The following ZRANB3 variants were observed in gnomAD, a reference collection of about 807,000 sequenced individuals.
The protein encoded by ZRANB3 is zinc finger RANBP2-type containing 3.
ZRANB3 carries 125 observed loss-of-function variants against 133.8 expected under a neutral mutation model. The observed-to-expected ratio is 0.93, with a 90% CI of 0.81 to 1.08. ZRANB3 has a LOEUF of 1.08. ZRANB3 is among the 50% of genes least tolerant of loss of function. ZRANB3 has a pLI of 0.00. For synonymous variants in ZRANB3, 387 were observed against 432.7 expected (o/e 0.89, Z 1.31); for missense variants, 1,229 against 1,275.5 (o/e 0.96, Z 0.56).
chr2:135,361,317 G>A lies in ZRANB3; in HGVS notation c.181-7689C>T, dbSNP rs543612461. Among the ~76,000 whole-genome samples the A allele has an allele frequency of 4.8e-4, 73 of 152,186 alleles. 1 individual carries two copies. Among genetic ancestry groups the A allele is most frequent in the Middle Eastern group, 3.4e-3 (1 of 292 alleles). The stretch of plus-strand genomic sequence containing the variant: ...GAATAAACAATAGTACAAATGTCCA[G>A]GTAGCTACATAAGAATTAAATAGAA... On this transcript the variant is annotated intron_variant, in intron 3 of 20. Coordinates refer to ENST00000264159, the MANE Select transcript of ZRANB3 (RefSeq NM_032143.4).
intron 2 of ZRANB3, among the ~76,000 whole-genome samples, chr2:135,475,242 A>G (rs1691453995): frequency 6.6e-6 from 1 of 152,164 alleles, no homozygotes; most frequent in African/African-American, 2.4e-5. Flanking sequence ...CCTTTCTTAC[A>G]CAGTCTGTAC....
intron 10 of ZRANB3, among the ~76,000 whole-genome samples, chr2:135,271,121 G>A (rs1160311152): frequency 6.6e-6 from 1 of 152,234 alleles, no homozygotes; most frequent in Non-Finnish European, 1.5e-5. Context: ...CAGATAAGAT[G>A]GAGCTCTAGC....
rs535012953 is a variant in ZRANB3 at position 135,440,627 on chromosome 2, A to G, written c.162-49807T>C. ...GCACCTCACTCCTACAACTGCAAGG[A>G]AATAAATTCTGTGAACAAAAAGAAG... On this transcript the variant is annotated intron_variant, in intron 2 of 20. Coordinates refer to ENST00000264159, the MANE Select transcript of ZRANB3 (RefSeq NM_032143.4). 2.2e-4 allele frequency among the ~76,000 whole-genome samples: 33 copies of G among 152,294 alleles called. No homozygotes were observed. The South Asian group carries it at 6.8e-3, about 32-fold the overall frequency.
At chr2:135,234,863 A>G (rs1695214423) in intron 12 of ZRANB3, among the ~76,000 whole-genome samples, 1 of 152,202 alleles carries the variant, frequency 6.6e-6, no homozygotes, top group South Asian at 2.1e-4. Flanking sequence ...ACACCCTAAC[A>G]TCACAATTAA....
chr2:135,325,868 T>C (rs1179367506), intron 6 of ZRANB3, among the ~76,000 whole-genome samples: 1 of 152,176 alleles, frequency 6.6e-6, no homozygotes, highest in African/African-American at 2.4e-5. Context: ...TGTCTCCAAA[T>C]ATTAGAAGTT....
At chr2:135,426,809 G>A (rs1169606088) in intron 2 of ZRANB3, among the ~76,000 whole-genome samples, 24 of 109,574 alleles carry the variant, frequency 2.2e-4, no homozygotes, top group African/African-American at 7.2e-4. Flanking sequence ...TCCAGCCTGC[G>A]TGACAGAGAG....
chr2:135,383,658 A>C (rs1217064966), intron 3 of ZRANB3, among the ~76,000 whole-genome samples: 1 of 152,224 alleles, frequency 6.6e-6, no homozygotes, highest in African/African-American at 2.4e-5. Flanking sequence ...CTCAGACCAC[A>C]GTGCAATCAA....
chr2:135,340,104 CTTT>C (rs769541283), intron 6 of ZRANB3, among the ~76,000 whole-genome samples: 6 of 123,754 alleles, frequency 4.8e-5, no homozygotes, highest in Admixed American at 1.7e-4. Context: ...TGTCCCTTTT[CTTT>C]TTTTTTTTTT....
intron 12 of ZRANB3, among the ~76,000 whole-genome samples, chr2:135,238,196 G>A (rs977682069): frequency 1.3e-5 from 2 of 152,136 alleles, no homozygotes; most frequent in African/African-American, 4.8e-5. Context: ...TGGGAACTAT[G>A]TTAGAAACAC....
At chr2:135,404,866 T>C (rs1558975273) in intron 2 of ZRANB3, among the ~76,000 whole-genome samples, 2 of 152,112 alleles carry the variant, frequency 1.3e-5, no homozygotes. Context: ...TGCAAAATCA[T>C]GCCAAAATGT....
chr2:135,354,064 A>G (rs1282152192), intron 3 of ZRANB3, among the ~76,000 whole-genome samples: 2 of 152,206 alleles, frequency 1.3e-5, no homozygotes, highest in Non-Finnish European at 2.9e-5. Flanking sequence ...ACAGTTAATA[A>G]AAAGTTTGAG....
At chr2:135,222,330 A>T (rs1282734029) in intron 15 of ZRANB3, among the ~76,000 whole-genome samples, 2 of 151,260 alleles carry the variant, frequency 1.3e-5, no homozygotes, top group Non-Finnish European at 2.9e-5. Flanking sequence ...TGAACCTGGG[A>T]GGCAGAGGTT....
intron 1 of ZRANB3, chr2:135,511,064 TGGA>T (rs1693430916): frequency 3.9e-6 from 3 of 773,170 alleles, no homozygotes; most frequent in Non-Finnish European, 7.2e-6. Flanking sequence ...GTTTCTGTGG[TGGA>T]ATCTGAGATT....
chr2:135,312,188 T>TTTTTATTTTA (rs1228211709), intron 8 of ZRANB3, among the ~76,000 whole-genome samples: 4 of 127,170 alleles, frequency 3.1e-5, no homozygotes, highest in Non-Finnish European at 6.4e-5. Flanking sequence ...TTTTATTTTA[T>TTTTTATTTTA]TTTTATTTTA....
At chr2:135,392,302 A>C (rs1269046065) in intron 2 of ZRANB3, among the ~76,000 whole-genome samples, 1 of 135,564 alleles carries the variant, frequency 7.4e-6, no homozygotes, top group Non-Finnish European at 1.6e-5. Context: ...CAACAAAGGG[A>C]GACCCTATCT....
intron 6 of ZRANB3, among the ~76,000 whole-genome samples, chr2:135,342,318 G>A (rs568388230): frequency 8.0e-5 from 12 of 150,134 alleles, no homozygotes; most frequent in Middle Eastern, 3.4e-3. Flanking sequence ...GATTATAGGC[G>A]TGAGCCACCA....
chr2:135,364,532 G>C (rs58777481), intron 3 of ZRANB3, among the ~76,000 whole-genome samples: 10,387 of 152,110 alleles, frequency 0.068, 747 homozygotes, highest in African/African-American at 0.18. Flanking sequence ...CGGATAACTT[G>C]AGGTCAAGAG....
intron 11 of ZRANB3, among the ~76,000 whole-genome samples, chr2:135,266,542 G>T (rs554081020): frequency 2.6e-5 from 4 of 151,764 alleles, no homozygotes; most frequent in African/African-American, 9.7e-5. Flanking sequence ...TGAGGTGGGC[G>T]GATCACAAGG....
intron 18 of ZRANB3, among the ~76,000 whole-genome samples, 199 bp from the exon 19 acceptor site, chr2:135,208,035 A>C (rs1384966337): frequency 6.6e-6 from 1 of 152,212 alleles, no homozygotes; most frequent in Admixed American, 6.5e-5. Flanking sequence ...AATTAATTGA[A>C]TATAAATATG....
Sources: allele counts gnomAD v4.1 joint callset (sites outside exome capture counted in the v4.1 genomes callset), GRCh38; gene constraint gnomAD v4.1.1; transcripts MANE v1.5; gene names NCBI Gene and HGNC (gene_info 2026-07-23, HGNC 2026-07-21).